Variants in SP100 observed in about 807,000 individuals in gnomAD.
SP100 encodes the protein SP100 nuclear body protein.
A neutral mutation model predicts 130.0 loss-of-function variants in SP100; 84 were observed. That is an observed-to-expected ratio of 0.65 (90% CI 0.54 to 0.77). The LOEUF (loss-of-function observed/expected upper bound fraction) is 0.77, where lower values mean the gene tolerates loss of function less well. Among genes scored for constraint, SP100 ranks in the 30% least tolerant of loss-of-function variants. The probability of loss-of-function intolerance (pLI) is 0.00; values close to 1 mark genes in which losing one functional copy is unlikely to be tolerated. For missense variants in SP100, 978 were observed against 1,052.2 expected, an observed-to-expected ratio of 0.93 and a Z score of 0.97; for synonymous variants, 331 against 351.7, an observed-to-expected ratio of 0.94 and a Z score of 0.66.
rs1321421709 is a variant in SP100, at chr2:230,544,598, C to T, written c.*1652C>T. The stretch of plus-strand genomic sequence containing the variant: ...TGCCTCCCGGGTTCAAGCAATTCTC[C>T]TGCCTCAGCCTCCCAGGTGGCTGGG... On this transcript the variant is annotated 3_prime_UTR_variant, in exon 29 of 29. Transcript: ENST00000340126. Among the ~76,000 whole-genome samples the T allele has an allele frequency of 1.3e-5, 2 of 152,188 alleles. No homozygotes were observed. The highest frequency in any genetic ancestry group is 4.8e-5 in the African/African-American group (2 of 41,448).
rs746823855 is a variant in SP100 at position 230,503,127 on chromosome 2, G to A, written c.1765+17G>A. 3.1e-5 allele frequency: 48 copies of A among 1,547,858 alleles called. No homozygotes were observed. The highest frequency in any genetic ancestry group is 2.9e-4 in the East Asian group (13 of 44,370). ...GAAAAAGAGGTAAATAGAAGTGATC[G>A]ATATGTTTTTCATAATTAAACATTT... On this transcript the variant is annotated intron_variant, in intron 20 of 28. Coordinates refer to ENST00000340126, the MANE Select transcript of SP100 (RefSeq NM_001080391.2).
rs979958896 is a variant in SP100 at position 230,466,285 on chromosome 2, C to A, written c.1142-16C>A. 2 of 1,515,788 alleles carry A rather than the reference C, an allele frequency of 1.3e-6. No homozygotes were observed. The highest frequency in any genetic ancestry group is 2.3e-5 in the South Asian group (2 of 86,524). 93.9% of individuals were successfully genotyped at this position (1,515,788 alleles called of 1,614,324 possible). ...TCTTGCATACAAATAACGGGTTTCT[C>A]CCTTTTACTTTACAGAGCCCATGGA... On this transcript the variant is annotated splice_polypyrimidine_tract_variant and intron_variant, in intron 11 of 28. Transcript: ENST00000340126.
Position 230,423,905 on chromosome 2 carries a change from G to A in SP100, c.107+6240G>A, listed in dbSNP as rs77203584. 9.6e-3 allele frequency among the ~76,000 whole-genome samples: 1,455 copies of A among 152,284 alleles called. 23 individuals are homozygous for A. Among genetic ancestry groups the A allele is most frequent in the African/African-American group, 0.034 (1,397 of 41,546 alleles). On this transcript the variant is annotated intron_variant, in intron 2 of 28. Coordinates refer to ENST00000340126, the MANE Select transcript of SP100 (RefSeq NM_001080391.2). ...TTCCTTAAGATTTCCATTTGTGAGA[G>A]TCAATTGTTGTTTCTTTTGTGGCCT...
Position 230,416,938 on chromosome 2 carries a change from GAT to G in SP100, c.32+612_32+613del, listed in dbSNP as rs977175818. The G allele has an allele frequency of 3.1e-6, 3 of 964,284 alleles. No individual in the cohort carries two copies. In the African/African-American group the frequency reaches 5.3e-5, roughly 17 times the overall value. The allele number at this position is 964,284 out of a possible 1,614,324, so 59.7% of individuals were successfully genotyped here. A position where few individuals can be genotyped will look rare whatever the true frequency, so the allele number is the denominator to read the frequency against. The stretch of plus-strand genomic sequence containing the variant: ...CTCAATTTCCTGTCCCAAGATGGGG[GAT>G]ACCTCTGACCAGAAAAGAGAAGGAA... On this transcript the variant is annotated intron_variant, in intron 1 of 28. Transcript: ENST00000340126.
At chr2:230,499,029 G>C (rs1408471283) in intron 19 of SP100, among the ~76,000 whole-genome samples, 1 of 152,044 alleles carries the variant, frequency 6.6e-6, no homozygotes, top group Non-Finnish European at 1.5e-5. Context: ...TCATTCCGTG[G>C]ATCTCCTACA....
intron 10 of SP100, among the ~76,000 whole-genome samples, chr2:230,462,955 A>C (rs2064742336): frequency 6.6e-6 from 1 of 152,236 alleles, no homozygotes; most frequent in Admixed American, 6.5e-5. Flanking sequence ...AAGACATCTC[A>C]TCCAACTATC....
intron 2 of SP100, among the ~76,000 whole-genome samples, chr2:230,425,899 G>T (rs544751923): frequency 6.6e-6 from 1 of 151,992 alleles, no homozygotes; most frequent in Admixed American, 6.5e-5. Context: ...TTCTTTAATG[G>T]AAAGTTGTTT....
intron 10 of SP100, 69 bp downstream of exon 10, chr2:230,462,587 C>A: frequency 8.9e-7 from 1 of 1,122,570 alleles, no homozygotes; most frequent in South Asian, 1.3e-5. Flanking sequence ...TTTCCTGAGG[C>A]ATTTTATTCT....
chr2:230,459,754 C>T (rs796861296), intron 8 of SP100, among the ~76,000 whole-genome samples: 62 of 152,338 alleles, frequency 4.1e-4, no homozygotes, highest in African/African-American at 1.4e-3. Flanking sequence ...GTCACTCTCA[C>T]TAAAATTAGA....
At chr2:230,449,321 A>G (rs879207573) in intron 6 of SP100, 171 bp downstream of exon 6, 2 of 813,200 alleles carry the variant, frequency 2.5e-6, no homozygotes, top group African/African-American at 1.7e-5. Context: ...TAGGTTGCCT[A>G]GGAGGGTTTC....
chr2:230,448,194 C>T lies in SP100; in HGVS notation c.524-894C>T, dbSNP rs138349301. 4.7e-4 allele frequency among the ~76,000 whole-genome samples: 71 copies of T among 152,016 alleles called. 1 individual carries two copies. The highest frequency in any genetic ancestry group is 2.1e-3 in the South Asian group (10 of 4,814). Reference sequence around the variant, plus strand: ...GAGCAGGAATATTCAAAGAGAAAGGCGGTCATGTAGAGAGACTCAGAAAGG... The same window carrying T: ...GAGCAGGAATATTCAAAGAGAAAGGTGGTCATGTAGAGAGACTCAGAAAGG... On this transcript the variant is annotated intron_variant, in intron 5 of 28. Transcript: ENST00000340126.
intron 21 of SP100, 133 bp downstream of exon 21, chr2:230,504,423 C>T (rs2067206960): frequency 6.9e-6 from 4 of 582,920 alleles, no homozygotes; most frequent in Non-Finnish European, 6.2e-6. Flanking sequence ...TAGGAGCTTT[C>T]CTAGGACTTG....
intron 2 of SP100, among the ~76,000 whole-genome samples, chr2:230,420,519 T>C (rs1380672330): frequency 1.3e-5 from 2 of 152,188 alleles, no homozygotes; most frequent in African/African-American, 2.4e-5. Context: ...GAGGCTTTCT[T>C]ATAGACACCT....
chr2:230,518,116 G>C (rs1033499427), intron 24 of SP100, among the ~76,000 whole-genome samples: 1 of 133,976 alleles, frequency 7.5e-6, no homozygotes, highest in African/African-American at 2.6e-5. Flanking sequence ...AAACTTACAA[G>C]ACTTTTTTCT....
intron 11 of SP100, among the ~76,000 whole-genome samples, chr2:230,465,052 A>G (rs2064867771): frequency 6.6e-6 from 1 of 152,220 alleles, no homozygotes; most frequent in Admixed American, 6.5e-5. Flanking sequence ...CCTGGCCAAT[A>G]TGGTGAAACC....
intron 15 of SP100, 79 bp downstream of exon 15, chr2:230,470,177 T>C: frequency 1.3e-6 from 2 of 1,530,108 alleles, no homozygotes; most frequent in Non-Finnish European, 8.8e-7. Flanking sequence ...TCCAGACGCT[T>C]TTTATTCTGA....
At chr2:230,493,616 C>T (rs994275370) in intron 17 of SP100, among the ~76,000 whole-genome samples, 1 of 151,986 alleles carries the variant, frequency 6.6e-6, no homozygotes, top group East Asian at 1.9e-4. Flanking sequence ...GTCTAATCCC[C>T]TTTATTTGCC....
intron 17 of SP100, among the ~76,000 whole-genome samples, chr2:230,483,679 A>G (rs1056782768): frequency 2.6e-5 from 4 of 152,158 alleles, no homozygotes; most frequent in Admixed American, 1.3e-4. Context: ...CTAAGTTGGT[A>G]GCAGTGGAAG....
intron 24 of SP100, among the ~76,000 whole-genome samples, chr2:230,521,174 G>A (rs1361515627): frequency 6.6e-6 from 1 of 152,182 alleles, no homozygotes; most frequent in Non-Finnish European, 1.5e-5. Flanking sequence ...TGGATGCAGA[G>A]AAAAGGGAGT....
Sources: gnomAD v4.1 joint callset for allele counts (sites outside exome capture counted in the v4.1 genomes callset) on GRCh38, gnomAD v4.1.1 for gene constraint, MANE v1.5 for transcripts, NCBI Gene and HGNC (gene_info 2026-07-23, HGNC 2026-07-21) for gene names.